The following OR4A5 variants were observed in gnomAD, a reference collection of about 807,000 sequenced individuals.
OR4A5 encodes the protein olfactory receptor family 4 subfamily A member 5.
For synonymous variants in OR4A5, 245 were observed against 138.5 expected, an observed-to-expected ratio of 1.77 and a Z score of -5.40; for missense variants, 684 against 381.6, an observed-to-expected ratio of 1.79 and a Z score of -6.60.
In OR4A5 at chr11:54,707,204, G is replaced by C. The variant is rs368103058; in HGVS notation, c.320G>C (p.Gly107Ala). ...CTATTTATAGACCATTTCTTTGGTGGGGCTGAGGTCTTCCTTCTGGTGGTG... is the reference window on the plus strand; with the variant it reads ...CTATTTATAGACCATTTCTTTGGTGCGGCTGAGGTCTTCCTTCTGGTGGTG... ...GQLFIDHFFGGAEVFLLVVMA... is the reference protein window; with the variant it reads ...GQLFIDHFFGAAEVFLLVVMA... Residue 107 changes from glycine (G) to alanine (A), a missense_variant, in exon 1 of 1, where the codon GGG (glycine) becomes GCG (alanine). Physicochemically the swap from Gly to Ala is moderately conservative, Grantham distance 60. Coordinates refer to ENST00000319760, the MANE Select transcript of OR4A5 (RefSeq NM_001005272.3). The C allele has an allele frequency of 3.1e-6, 5 of 1,613,628 alleles. No individual in the cohort carries two copies. In the African/African-American group the frequency reaches 6.7e-5, roughly 22 times the overall value.
Position 54,707,724 on chromosome 11 carries a change from T to C in OR4A5, c.840T>C (p.Ser280=). ...VFYTIITHML[S]PLIYTLRNSE... ...ATACCATTATCACACACATGCTGAG[T>C]CCTTTAATATATACGTTGAGAAATT... Residue 280 remains serine, a synonymous_variant, in exon 1 of 1, where the codon AGT becomes AGC. Coordinates refer to ENST00000319760, the MANE Select transcript of OR4A5 (RefSeq NM_001005272.3). The C allele has an allele frequency of 6.3e-7, 1 of 1,599,164 alleles. No homozygotes were observed. The highest frequency in any genetic ancestry group is 8.6e-7 in the Non-Finnish European group (1 of 1,167,850).
Position 54,707,064 on chromosome 11 carries a change from C to T in OR4A5, c.180C>T (p.Phe60=), listed in dbSNP as rs892726267. The T allele has an allele frequency of 6.2e-6, 10 of 1,613,574 alleles. No individual in the cohort carries two copies. In the Admixed American group the frequency reaches 8.4e-5, roughly 13 times the overall value. Reference sequence around the variant, plus strand: ...CCTTGGGTTCCCCAATGTATTTCTTCCTTGCCTGCCTGTCATTTATAGATG... The same window carrying T: ...CCTTGGGTTCCCCAATGTATTTCTTTCTTGCCTGCCTGTCATTTATAGATG... ...SPSLGSPMYF[F]LACLSFIDAA... Residue 60 remains phenylalanine, a synonymous_variant, in exon 1 of 1, where the codon TTC becomes TTT. Coordinates refer to ENST00000319760, the MANE Select transcript of OR4A5 (RefSeq NM_001005272.3).
rs376645730 is a variant in OR4A5, at chr11:54,707,031, C to T, written c.147C>T (p.Ala49=). ...TGCTCATTGTGGTGGATATTATTGCCAGCCCTTCCTTGGGTTCCCCAATGT... is the reference window on the plus strand; with the variant it reads ...TGCTCATTGTGGTGGATATTATTGCTAGCCCTTCCTTGGGTTCCCCAATGT... ...GNLLIVVDII[A]SPSLGSPMYF... is the part of the protein sequence containing the mutation. Residue 49 remains alanine, a synonymous_variant, in exon 1 of 1, where the codon GCC becomes GCT. Coordinates refer to ENST00000319760, the MANE Select transcript of OR4A5 (RefSeq NM_001005272.3). 6.2e-6 allele frequency: 10 copies of T among 1,613,632 alleles called. No individual in the cohort carries two copies. Among genetic ancestry groups the T allele is most frequent in the Non-Finnish European group, 8.5e-6 (10 of 1,179,856 alleles).
At position 54,707,077 on chromosome 11, in the gene OR4A5, T is replaced by C. The variant is rs1263484830; in HGVS notation, c.193T>C (p.Ser65Pro). 5 of 1,613,734 alleles carry C rather than the reference T, an allele frequency of 3.1e-6. No homozygotes were observed. Among genetic ancestry groups the C allele is most frequent in the South Asian group, 1.1e-5 (1 of 91,078 alleles). ...SPMYFFLACL[S>P]FIDAAYSTTI... is the part of the protein sequence containing the mutation. The stretch of plus-strand genomic sequence containing the variant: ...AATGTATTTCTTCCTTGCCTGCCTG[T>C]CATTTATAGATGCTGCATATTCCAC... Residue 65 changes from serine to proline, a missense_variant, in exon 1 of 1, where the codon TCA becomes CCA. Transcript: ENST00000319760.
chr11:54,707,443 A>G lies in OR4A5; in HGVS notation c.559A>G (p.Thr187Ala), dbSNP rs1158963534. Reference protein sequence around the residue: ...DMHPLLELACTDTYFIGLTVV... With the variant: ...DMHPLLELACADTYFIGLTVV... ...GCACCCATTACTGGAACTGGCATGC[A>G]CTGACACCTACTTTATAGGCCTCAC... The change falls in exon 1 of 1, where the codon ACT becomes GCT. Residue 187 changes from threonine to alanine, a missense_variant. Thr to Ala is a moderately conservative substitution (Grantham distance 58, BLOSUM62 0). Coordinates refer to ENST00000319760, the MANE Select transcript of OR4A5 (RefSeq NM_001005272.3). 1.2e-6 allele frequency: 2 copies of G among 1,613,486 alleles called. No homozygotes were observed. The highest frequency in any genetic ancestry group is 1.7e-6 in the Non-Finnish European group (2 of 1,179,846).
chr11:54,707,690 C>G lies in OR4A5; in HGVS notation c.806C>G (p.Thr269Ser), dbSNP rs780842023. Residue 269 changes from threonine to serine, a missense_variant, in exon 1 of 1, where the codon ACT becomes AGT. Coordinates refer to ENST00000319760, the MANE Select transcript of OR4A5 (RefSeq NM_001005272.3). ...VSNFPTDKFM[T>S]VFYTIITHML... is the part of the protein sequence containing the mutation. ...AACTTTCCTACTGATAAGTTCATGA[C>G]TGTGTTTTATACCATTATCACACAC... 30 of 1,608,318 alleles carry G rather than the reference C, an allele frequency of 1.9e-5. No homozygotes were observed. Among genetic ancestry groups the G allele is most frequent in the Middle Eastern group, 1.6e-4 (1 of 6,066 alleles).
rs749014783 is a variant in OR4A5 at position 54,707,396 on chromosome 11, T to C, written c.512T>C (p.Ile171Thr). The C allele has an allele frequency of 3.1e-6, 5 of 1,613,526 alleles. No homozygotes were observed. Among genetic ancestry groups the C allele is most frequent in the African/African-American group, 1.3e-5 (1 of 74,928 alleles). The change falls in exon 1 of 1, where the codon ATT becomes ACT. Residue 171 changes from isoleucine (I) to threonine (T), a missense_variant. By Grantham distance (89) the Ile-to-Thr change is moderately conservative. Coordinates refer to ENST00000319760, the MANE Select transcript of OR4A5 (RefSeq NM_001005272.3). ...YSLPFCGPNVIVHFSCDMHPL... is the reference protein window; with the variant it reads ...YSLPFCGPNVTVHFSCDMHPL... The stretch of plus-strand genomic sequence containing the variant: ...CTCCCTTTCTGTGGTCCCAATGTCA[T>C]TGTTCATTTCAGTTGTGACATGCAC...
In OR4A5 at chr11:54,707,086, G is replaced by A. The variant is rs541242060; in HGVS notation, c.202G>A (p.Asp68Asn). 1.2e-6 allele frequency: 2 copies of A among 1,613,700 alleles called. No homozygotes were observed. The highest frequency in any genetic ancestry group is 1.7e-6 in the Non-Finnish European group (2 of 1,179,850). ...CTTCCTTGCCTGCCTGTCATTTATA[G>A]ATGCTGCATATTCCACTACCATTTC... ...YFFLACLSFI[D>N]AAYSTTISPK... Residue 68 changes from aspartate to asparagine, a missense_variant, in exon 1 of 1, where the codon GAT becomes AAT. Coordinates refer to ENST00000319760, the MANE Select transcript of OR4A5 (RefSeq NM_001005272.3).
At position 54,707,360 on chromosome 11, in the gene OR4A5, T is replaced by C. The variant is rs768711659; in HGVS notation, c.476T>C (p.Val159Ala). 1.3e-5 allele frequency: 21 copies of C among 1,613,706 alleles called. No individual in the cohort carries two copies. The highest frequency in any genetic ancestry group is 1.7e-5 in the Non-Finnish European group (20 of 1,179,888). Residue 159 changes from valine (V) to alanine (A), a missense_variant, in exon 1 of 1, where the codon GTT becomes GCT. Transcript: ENST00000319760. Reference sequence around the variant, plus strand: ...TTTGTACATTCTGCGTTTCAAATTGTTGTGTACAGTCTCCCTTTCTGTGGT... The same window carrying C: ...TTTGTACATTCTGCGTTTCAAATTGCTGTGTACAGTCTCCCTTTCTGTGGT... ...GGFVHSAFQI[V>A]VYSLPFCGPN...
Position 54,707,149 on chromosome 11 carries a change from A to G in OR4A5, c.265A>G (p.Thr89Ala), listed in dbSNP as rs566002229. Residue 89 changes from threonine (T) to alanine (A), a missense_variant, in exon 1 of 1, where the codon ACT becomes GCT. Transcript: ENST00000319760. ...LIVGLFCDKK[T>A]ISFQGCMGQL... ...TGTAGGCTTATTCTGTGATAAAAAG[A>G]CTATTTCCTTCCAAGGTTGCATGGG... 1 of 1,613,708 alleles carries G rather than the reference A, an allele frequency of 6.2e-7. No individual in the cohort carries two copies. The highest frequency in any genetic ancestry group is 8.5e-7 in the Non-Finnish European group (1 of 1,179,862).
rs143887524 is a variant in OR4A5, at chr11:54,707,646, A to G, written c.762A>G (p.Ile254Met). The change falls in exon 1 of 1, where the codon ATA (isoleucine) becomes ATG (methionine). Residue 254 changes from isoleucine (I) to methionine (M), a missense_variant. Transcript: ENST00000319760. ...TCTTTTTTGTACCCTGTATTTTCAT[A>G]TATGTTAGACCTGTTTCAAACTTTC... Reference protein sequence around the residue: ...VVLFFVPCIFIYVRPVSNFPT... With the variant: ...VVLFFVPCIFMYVRPVSNFPT... The G allele has an allele frequency of 7.1e-4, 1,141 of 1,611,552 alleles. 1 individual carries two copies. The highest frequency in any genetic ancestry group is 3.1e-3 in the African/African-American group (232 of 74,794).
At position 54,706,863 on chromosome 11, in the gene OR4A5, T is replaced by G. The variant is rs112545458; in HGVS notation, c.-22T>G. 7.0e-4 allele frequency: 1,060 copies of G among 1,513,112 alleles called. 9 individuals carry two copies. The African/African-American group carries it at 0.013, about 19-fold the overall frequency. 93.7% of individuals were successfully genotyped at this position (1,513,112 alleles called of 1,614,324 possible). On this transcript the variant is annotated 5_prime_UTR_variant, in exon 1 of 1. Coordinates refer to ENST00000319760, the MANE Select transcript of OR4A5 (RefSeq NM_001005272.3). ...TGTTTCCCTGAGCTCTCACCTCTGA[T>G]ACAAGCCTTAAAGAAGAGTAAATGA...
At position 54,707,042 on chromosome 11, in the gene OR4A5, T is replaced by G. The variant is rs200935202; in HGVS notation, c.158T>G (p.Leu53Trp). ...IVVDIIASPSLGSPMYFFLAC... is the reference protein window; with the variant it reads ...IVVDIIASPSWGSPMYFFLAC... ...GTGGATATTATTGCCAGCCCTTCCTTGGGTTCCCCAATGTATTTCTTCCTT... is the reference window on the plus strand; with the variant it reads ...GTGGATATTATTGCCAGCCCTTCCTGGGGTTCCCCAATGTATTTCTTCCTT... The change falls in exon 1 of 1, where the codon TTG (leucine) becomes TGG (tryptophan). Residue 53 changes from leucine (L) to tryptophan (W), a missense_variant. Coordinates refer to ENST00000319760, the MANE Select transcript of OR4A5 (RefSeq NM_001005272.3). 2.8e-4 allele frequency: 458 copies of G among 1,613,722 alleles called. No homozygotes were observed. The highest frequency in any genetic ancestry group is 3.4e-4 in the Non-Finnish European group (406 of 1,179,872).
In OR4A5 at chr11:54,706,921, C is replaced by T. The variant is rs1565034653; in HGVS notation, c.37C>T (p.Leu13=). Residue 13 remains leucine, a synonymous_variant, in exon 1 of 1, where the codon CTG becomes TTG. Coordinates refer to ENST00000319760, the MANE Select transcript of OR4A5 (RefSeq NM_001005272.3). ...TAACAATATTACAGAATTTGTCCTC[C>T]TGGGCTTTTCTCAGGATCCTGGTGT... ...QNNNITEFVL[L]GFSQDPGVQK... is the part of the protein sequence containing the mutation. The T allele has an allele frequency of 1.2e-6, 2 of 1,611,626 alleles. No individual in the cohort carries two copies. Among genetic ancestry groups the T allele is most frequent in the Non-Finnish European group, 1.7e-6 (2 of 1,178,870 alleles).
Position 54,707,560 on chromosome 11 carries a change from A to T in OR4A5, c.676A>T (p.Ser226Cys). ...CATCCTAAGCTCCCTTAAAACTTAC[A>T]GTCAGGAAAAGAGGGGTAAAGCCTT... ...GVILSSLKTY[S>C]QEKRGKALST... The change falls in exon 1 of 1, where the codon AGT becomes TGT. Residue 226 changes from serine (S) to cysteine (C), a missense_variant. By Grantham distance (112) the Ser-to-Cys change is moderately radical. Transcript: ENST00000319760. 6.2e-7 allele frequency: 1 copy of T among 1,613,618 alleles called. No individual in the cohort carries two copies. The highest frequency in any genetic ancestry group is 1.1e-5 in the South Asian group (1 of 91,058).
rs761548053 is a variant in OR4A5, at chr11:54,707,018, T to C, written c.134T>C (p.Val45Ala). Residue 45 changes from valine (V) to alanine (A), a missense_variant, in exon 1 of 1, where the codon GTG (valine) becomes GCG (alanine). Physicochemically the swap from Val to Ala is moderately conservative, Grantham distance 64. Transcript: ENST00000319760. The part of the protein sequence containing the change: ...VTVVGNLLIV[V>A]DIIASPSLGS... ...GTGGTGGGGAACCTGCTCATTGTGG[T>C]GGATATTATTGCCAGCCCTTCCTTG... is the stretch of plus-strand genomic sequence containing the variant. The C allele has an allele frequency of 9.9e-6, 16 of 1,613,602 alleles. No homozygotes were observed. In the South Asian group the frequency reaches 1.8e-4, roughly 18 times the overall value.
chr11:54,707,007 G>A lies in OR4A5; in HGVS notation c.123G>A (p.Leu41=), dbSNP rs759199604. The change falls in exon 1 of 1, where the codon CTG becomes CTA. Residue 41 remains leucine (L), a synonymous_variant. Transcript: ENST00000319760. ...LTYLVTVVGN[L]LIVVDIIASP... ...ACTTGGTGACAGTGGTGGGGAACCT[G>A]CTCATTGTGGTGGATATTATTGCCA... 3.1e-6 allele frequency: 5 copies of A among 1,613,386 alleles called. No individual in the cohort carries two copies. The highest frequency in any genetic ancestry group is 1.3e-5 in the African/African-American group (1 of 74,902).
chr11:54,707,427 A>C lies in OR4A5; in HGVS notation c.543A>C (p.Leu181Phe), dbSNP rs755757484. The C allele has an allele frequency of 1.9e-6, 3 of 1,613,468 alleles. No homozygotes were observed. The highest frequency in any genetic ancestry group is 2.5e-6 in the Non-Finnish European group (3 of 1,179,834). The change falls in exon 1 of 1, where the codon TTA becomes TTC. Residue 181 changes from leucine (L) to phenylalanine (F), a missense_variant. By Grantham distance (22) the Leu-to-Phe change is conservative. Transcript: ENST00000319760. ...IVHFSCDMHP[L>F]LELACTDTYF... ...ATTTCAGTTGTGACATGCACCCATT[A>C]CTGGAACTGGCATGCACTGACACCT...
chr11:54,707,441 G>T lies in OR4A5; in HGVS notation c.557G>T (p.Cys186Phe), dbSNP rs762677617. The T allele has an allele frequency of 6.2e-7, 1 of 1,613,442 alleles. No homozygotes were observed. Among genetic ancestry groups the T allele is most frequent in the East Asian group, 2.2e-5 (1 of 44,672 alleles). ...CDMHPLLELACTDTYFIGLTV... is the reference protein window; with the variant it reads ...CDMHPLLELAFTDTYFIGLTV... ...ATGCACCCATTACTGGAACTGGCAT[G>T]CACTGACACCTACTTTATAGGCCTC... The change falls in exon 1 of 1, where the codon TGC becomes TTC. Residue 186 changes from cysteine to phenylalanine, a missense_variant. Cys to Phe is a radical substitution (Grantham distance 205). Coordinates refer to ENST00000319760, the MANE Select transcript of OR4A5 (RefSeq NM_001005272.3).
Sources: gnomAD v4.1 joint callset for allele counts on GRCh38, gnomAD v4.1.1 for gene constraint, MANE v1.5 for transcripts, NCBI Gene and HGNC (gene_info 2026-07-23, HGNC 2026-07-21) for gene names.